Variants in ATP6V0C observed in about 807,000 individuals in gnomAD.
The protein encoded by ATP6V0C is ATPase H+ transporting V0 subunit c.
ATP6V0C carries 2 observed loss-of-function variants against 10.6 expected under a neutral mutation model. The ratio of observed to expected loss-of-function variants is 0.19; its 90% CI spans 0.08 to 0.59. ATP6V0C has a LOEUF of 0.59. ATP6V0C is among the 20% of genes least tolerant of loss of function. ATP6V0C has a pLI of 0.90. For missense variants in ATP6V0C, 89 were observed against 225.9 expected, an observed-to-expected ratio of 0.39 and a Z score of 3.88; for synonymous variants, 128 against 101.3, an observed-to-expected ratio of 1.26 and a Z score of -1.59.
chr16:2,515,655 C>A (rs545043906), intron 1 of ATP6V0C, among the ~76,000 whole-genome samples: 4 of 152,274 alleles, frequency 2.6e-5, no homozygotes, highest in South Asian at 4.1e-4. Flanking sequence ...TTCCCCCCAG[C>A]CTCCTCTGTT....
At chr16:2,514,285 G>C in intron 1 of ATP6V0C, 103 bp downstream of exon 1, 1 of 1,279,156 alleles carries the variant, frequency 7.8e-7, no homozygotes, top group South Asian at 1.6e-5. Context: ...ACGTAATCCC[G>C]AGCTGTCGGG....
intron 1 of ATP6V0C, 111 bp downstream of exon 1, chr16:2,514,293 G>T: frequency 3.4e-6 from 4 of 1,193,656 alleles, no homozygotes; most frequent in Non-Finnish European, 4.4e-6. Context: ...CCGAGCTGTC[G>T]GGGGCGCCCG....
At chr16:2,518,393 G>C (rs1011976955) in intron 1 of ATP6V0C, among the ~76,000 whole-genome samples, 7 of 152,228 alleles carry the variant, frequency 4.6e-5, no homozygotes, top group African/African-American at 1.4e-4. Context: ...GCGGTGGGAG[G>C]CTTGGGCCCT....
At chr16:2,514,583 C>G (rs1314837667) in intron 1 of ATP6V0C, among the ~76,000 whole-genome samples, 1 of 150,858 alleles carries the variant, frequency 6.6e-6, no homozygotes, top group East Asian at 2.0e-4. Context: ...TCGAAGGCCC[C>G]AGTGCGCGGG....
intron 1 of ATP6V0C, among the ~76,000 whole-genome samples, chr16:2,518,371 A>C (rs762302719): frequency 6.6e-6 from 1 of 152,216 alleles, no homozygotes; most frequent in Non-Finnish European, 1.5e-5. Flanking sequence ...AGCCCAGCCC[A>C]CCAGCACTGT....
chr16:2,519,091 C>A, intron 1 of ATP6V0C, 127 bp from the exon 2 acceptor site: 1 of 1,176,958 alleles, frequency 8.5e-7, no homozygotes, highest in Non-Finnish European at 1.1e-6. Flanking sequence ...TGGATGCCTT[C>A]TTCGGCTCCC....
At chr16:2,518,008 C>A (rs1258022015) in intron 1 of ATP6V0C, 1 of 152,246 alleles carries the variant, frequency 6.6e-6, no homozygotes, top group Non-Finnish European at 1.5e-5. Flanking sequence ...CCAGGTGATC[C>A]GCCCGCCTTG....
chr16:2,519,409 CTG>C lies in ATP6V0C; in HGVS notation c.263+9_263+10del, dbSNP rs1328885076. ...CGACATCAGCCTCTACAAGTGAGCA[CTG>C]GGGTCAGGCCCCTGCCCAGGGCTGG... On this transcript the variant is annotated intron_variant, in intron 2 of 2. Coordinates refer to ENST00000330398, the MANE Select transcript of ATP6V0C (RefSeq NM_001694.4). 1.2e-6 allele frequency: 2 copies of C among 1,610,286 alleles called. No individual in the cohort carries two copies. The highest frequency in any genetic ancestry group is 1.7e-6 in the Non-Finnish European group (2 of 1,177,566).
intron 1 of ATP6V0C, among the ~76,000 whole-genome samples, chr16:2,518,501 C>A (rs893007113): frequency 6.6e-6 from 1 of 152,192 alleles, no homozygotes; most frequent in East Asian, 1.9e-4. Flanking sequence ...TGATGATCCC[C>A]GTCGTCTTCT....
chr16:2,517,544 CTG>C (rs1316770495), intron 1 of ATP6V0C: 3 of 152,338 alleles, frequency 2.0e-5, no homozygotes, highest in Middle Eastern at 3.2e-3. Flanking sequence ...GAGCATGTCT[CTG>C]TGCCTGGAGG....
chr16:2,519,304 A>G lies in ATP6V0C; in HGVS notation c.166A>G (p.Ile56Val). The change falls in exon 2 of 3, where the codon ATC (isoleucine) becomes GTC (valine). Residue 56 changes from isoleucine (I) to valine (V), a missense_variant. Physicochemically the swap from Ile to Val is conservative, Grantham distance 29. Transcript: ENST00000330398. ...VMRPEQIMKS[I>V]IPVVMAGIIA... Reference sequence around the variant, plus strand: ...GCGGCCGGAGCAGATCATGAAGTCCATCATCCCAGTGGTCATGGCTGGCAT... The same window carrying G: ...GCGGCCGGAGCAGATCATGAAGTCCGTCATCCCAGTGGTCATGGCTGGCAT... The G allele has an allele frequency of 1.2e-6, 2 of 1,614,180 alleles. No homozygotes were observed. The highest frequency in any genetic ancestry group is 1.7e-6 in the Non-Finnish European group (2 of 1,180,000).
In ATP6V0C at chr16:2,519,809, G is replaced by A; in HGVS notation, c.*64G>A. The A allele has an allele frequency of 1.4e-5, 22 of 1,572,528 alleles. No individual in the cohort carries two copies. The highest frequency in any genetic ancestry group is 2.2e-5 in the South Asian group (2 of 89,532). Reference sequence around the variant, plus strand: ...AGACCACCCCTCCTCATTCCAGAACGAACAGCCTGACACATACGCACGGGG... The same window carrying A: ...AGACCACCCCTCCTCATTCCAGAACAAACAGCCTGACACATACGCACGGGG... On this transcript the variant is annotated 3_prime_UTR_variant, in exon 3 of 3. Transcript: ENST00000330398.
At chr16:2,513,947 A>G (rs2065862866), upstream of ATP6V0C, 1 of 576,280 alleles carries the variant, frequency 1.7e-6, no homozygotes, top group Non-Finnish European at 2.9e-6. Context: ...CGCGGCCGCC[A>G]TTTTGTTCTG....
rs1005081530 is a variant in ATP6V0C at position 2,519,826 on chromosome 16, C to G, written c.*81C>G. 46 of 1,524,192 alleles carry G rather than the reference C, an allele frequency of 3.0e-5. No individual in the cohort carries two copies. Among genetic ancestry groups the G allele is most frequent in the Non-Finnish European group, 3.4e-5 (38 of 1,106,264 alleles). The allele number at this position is 1,524,192 out of a possible 1,614,324, so 94.4% of individuals were successfully genotyped here. On this transcript the variant is annotated 3_prime_UTR_variant, in exon 3 of 3. Transcript: ENST00000330398. The stretch of plus-strand genomic sequence containing the variant: ...TCCAGAACGAACAGCCTGACACATA[C>G]GCACGGGGCCGCCGCCCCCAGTAGT...
chr16:2,513,788 G>GCGGGGCCGGGCGC (rs917047833), upstream of ATP6V0C: 1 of 195,476 alleles, frequency 5.1e-6, no homozygotes, highest in Non-Finnish European at 1.0e-5. Flanking sequence ...CCGAGGCAGG[G>GCGGGGCCGGGCGC]CGGGGCCGGG....
intron 1 of ATP6V0C, 127 bp from the exon 2 acceptor site, chr16:2,519,091 C>T: frequency 8.5e-7 from 1 of 1,176,960 alleles, no homozygotes; most frequent in South Asian, 1.7e-5. Flanking sequence ...TGGATGCCTT[C>T]TTCGGCTCCC....
intron 1 of ATP6V0C, 130 bp from the exon 2 acceptor site, chr16:2,519,088 C>G: frequency 1.7e-6 from 2 of 1,148,066 alleles, no homozygotes; most frequent in Non-Finnish European, 2.4e-6. Context: ...GGCTGGATGC[C>G]TTCTTCGGCT....
In ATP6V0C at chr16:2,513,959, G is replaced by A; in HGVS notation, c.-145G>A. The A allele has an allele frequency of 1.5e-6, 1 of 674,680 alleles. No homozygotes were observed. The highest frequency in any genetic ancestry group is 2.4e-6 in the Non-Finnish European group (1 of 414,276). The allele number at this position is 674,680 out of a possible 1,614,324, so 41.8% of individuals were successfully genotyped here. ...GGCCGCGGCCGCCATTTTGTTCTGC[G>A]GTGCTGGTATTTAGAGCGCAGCGGC... On this transcript the variant is annotated 5_prime_UTR_variant, in exon 1 of 3. Coordinates refer to ENST00000330398, the MANE Select transcript of ATP6V0C (RefSeq NM_001694.4).
At position 2,514,166 on chromosome 16, in the gene ATP6V0C, C is replaced by T; in HGVS notation, c.63C>T (p.Ala21=). 1 of 1,581,446 alleles carries T rather than the reference C, an allele frequency of 6.3e-7. No homozygotes were observed. The highest frequency in any genetic ancestry group is 8.6e-7 in the Non-Finnish European group (1 of 1,164,860). The stretch of plus-strand genomic sequence containing the variant: ...TTTTCGCCGTCATGGGCGCCTCGGC[C>T]GCCATGGTCTTCAGCGGTGAGCGCG... ...ASFFAVMGAS[A]AMVFSALGAA... Residue 21 remains alanine, a synonymous_variant, in exon 1 of 3, where the codon GCC becomes GCT. Transcript: ENST00000330398.
Sources: gnomAD v4.1 joint callset for allele counts (sites outside exome capture counted in the v4.1 genomes callset) on GRCh38, gnomAD v4.1.1 for gene constraint, MANE v1.5 for transcripts, NCBI Gene and HGNC (gene_info 2026-07-23, HGNC 2026-07-21) for gene names.